The following NAV3 variants were observed in gnomAD, a reference collection of about 807,000 sequenced individuals.
The protein encoded by NAV3 is neuron navigator 3.
Under a neutral mutation model 244.7 loss-of-function variants are expected in NAV3, and 87 were observed. The observed-to-expected ratio is 0.36, with a 90% CI of 0.30 to 0.42. The LOEUF (loss-of-function observed/expected upper bound fraction) is 0.42. Among genes scored for constraint, NAV3 ranks in the 20% least tolerant of loss-of-function variants. The pLI is 1.00. For missense variants in NAV3, 2,663 were observed against 2,893.3 expected, an observed-to-expected ratio of 0.92 and a Z score of 1.83; for synonymous variants, 1,126 against 1,042.2, an observed-to-expected ratio of 1.08 and a Z score of -1.55.
At chr12:78,111,031 A>G (rs759172110) in intron 12 of NAV3, among the ~76,000 whole-genome samples, 6 of 152,024 alleles carry the variant, frequency 3.9e-5, no homozygotes, top group Non-Finnish European at 5.9e-5. Context: ...GGATGAATGG[A>G]GGGTAGGAGG....
Position 78,023,264 on chromosome 12 carries a change from C to T in NAV3, c.2023+1402C>T, listed in dbSNP as rs115311656. On this transcript the variant is annotated intron_variant, in intron 9 of 39. Transcript: ENST00000397909. ...ACTGTTTTCAGAAACTAATATATCA[C>T]GGTATATCTGATTGAATAGTCTGTA... 6.8e-3 allele frequency among the ~76,000 whole-genome samples: 1,030 copies of T among 152,190 alleles called. 11 individuals carry two copies. Among genetic ancestry groups the T allele is most frequent in the African/African-American group, 0.024 (996 of 41,526 alleles).
chr12:77,794,202 T>A (rs1214124013), intron 2 of NAV3, among the ~76,000 whole-genome samples: 1 of 152,246 alleles, frequency 6.6e-6, no homozygotes, highest in Admixed American at 6.5e-5. Context: ...TTTTTAAAGT[T>A]CCTTGTAGAT....
chr12:77,674,293 G>T (rs1874112858), intron 2 of NAV3, among the ~76,000 whole-genome samples: 1 of 152,096 alleles, frequency 6.6e-6, no homozygotes, highest in Admixed American at 6.6e-5. Context: ...TGGATTTCTT[G>T]CCCCTTAATT....
Position 78,188,230 on chromosome 12 carries a change from T to TAA in NAV3, c.5791-17_5791-16insAA. On this transcript the variant is annotated splice_polypyrimidine_tract_variant and intron_variant, in intron 31 of 39. Coordinates refer to ENST00000397909, the MANE Select transcript of NAV3 (RefSeq NM_001024383.2). Reference sequence around the variant, plus strand: ...TACACGGTTGGATTTTATCTTACTTTATTTTGTTCTTATTTAGGACCAAAA... The same window carrying TAA: ...TACACGGTTGGATTTTATCTTACTTTAAATTTTGTTCTTATTTAGGACCAAAA... The TAA allele has an allele frequency of 6.4e-7, 1 of 1,551,230 alleles. No homozygotes were observed. The highest frequency in any genetic ancestry group is 1.1e-5 in the South Asian group (1 of 87,320).
chr12:78,127,106 G>T (rs2138805886), intron 16 of NAV3, 61 bp from the exon 17 acceptor site: 1 of 1,536,976 alleles, frequency 6.5e-7, no homozygotes, highest in South Asian at 1.1e-5. Flanking sequence ...ATTTTTGTTG[G>T]ATGTGTAATT....
chr12:78,128,948 C>A, intron 18 of NAV3, 82 bp downstream of exon 18: 1 of 1,320,966 alleles, frequency 7.6e-7, no homozygotes, highest in Non-Finnish European at 1.0e-6. Context: ...CTCCATAACA[C>A]AACACGTTTT....
At chr12:77,700,337 A>G (rs1875504641) in intron 2 of NAV3, among the ~76,000 whole-genome samples, 1 of 152,184 alleles carries the variant, frequency 6.6e-6, no homozygotes, top group Non-Finnish European at 1.5e-5. Context: ...AAATGGGAGC[A>G]TGAAGGAGAG....
intron 27 of NAV3, 150 bp from the exon 28 acceptor site, chr12:78,177,470 T>A: frequency 9.0e-7 from 1 of 1,105,574 alleles, no homozygotes; most frequent in South Asian, 1.6e-5. Context: ...TCTCTTTCAC[T>A]GGTTTCTTTC....
At chr12:78,193,038 A>G (rs950124525) in intron 34 of NAV3, among the ~76,000 whole-genome samples, 1 of 152,152 alleles carries the variant, frequency 6.6e-6, no homozygotes, top group Non-Finnish European at 1.5e-5. Context: ...GAAATAATAA[A>G]TCCTGTTCCT....
intron 2 of NAV3, among the ~76,000 whole-genome samples, chr12:77,618,109 G>C (rs930296833): frequency 2.8e-4 from 43 of 152,166 alleles, no homozygotes; most frequent in African/African-American, 8.9e-4. Context: ...CTCCTATCTA[G>C]ATCAGGTGAG....
intron 2 of NAV3, among the ~76,000 whole-genome samples, chr12:77,787,380 A>T (rs1870952963): frequency 1.3e-5 from 2 of 152,296 alleles, no homozygotes; most frequent in South Asian, 4.1e-4. Context: ...ATAAAGACAT[A>T]TCCGAAACTG....
intron 20 of NAV3, among the ~76,000 whole-genome samples, chr12:78,145,279 T>G (rs1956819108): frequency 6.6e-6 from 1 of 152,180 alleles, no homozygotes; most frequent in Non-Finnish European, 1.5e-5. Context: ...TTTACATATT[T>G]TTAAAGGTAG....
rs1003667435 is a variant in NAV3, at chr12:77,815,716, CT to C, written c.73-124595del. On this transcript the variant is annotated intron_variant, in intron 2 of 8. Coordinates refer to the NAV3 transcript ENST00000550042. ...ACTGAGATGTCATAATTCATCAAATCTTTTTTTTCCCGACATCGCATCTCCA... is the reference window on the plus strand; with the variant it reads ...ACTGAGATGTCATAATTCATCAAATCTTTTTTTCCCGACATCGCATCTCCA... Among the ~76,000 whole-genome samples the C allele has an allele frequency of 3.9e-5, 6 of 151,960 alleles. 1 individual carries two copies. The South Asian group carries it at 8.3e-4, about 21-fold the overall frequency.
rs368182228 is a variant in NAV3 at position 78,146,405 on chromosome 12, T to A, written c.4707+13T>A. ...GGCTCATTCAGAGGTAAAAAAAAAA[T>A]ATGCAATATTTTAATATTTTCTATT... On this transcript the variant is annotated intron_variant, in intron 21 of 39. Coordinates refer to ENST00000397909, the MANE Select transcript of NAV3 (RefSeq NM_001024383.2). The A allele has an allele frequency of 8.7e-6, 8 of 924,174 alleles. No homozygotes were observed. The highest frequency in any genetic ancestry group is 8.3e-5 in the East Asian group (3 of 35,968). 57.2% of individuals were successfully genotyped at this position (924,174 alleles called of 1,614,324 possible).
intron 1 of NAV3, among the ~76,000 whole-genome samples, chr12:77,885,439 C>T (rs752064737): frequency 1.1e-4 from 16 of 152,048 alleles, no homozygotes; most frequent in East Asian, 3.9e-4. Context: ...TAGTACCTTA[C>T]GCAGAATAAG....
chr12:77,692,701 T>A (rs571791331), intron 2 of NAV3, among the ~76,000 whole-genome samples: 1 of 152,280 alleles, frequency 6.6e-6, no homozygotes, highest in East Asian at 1.9e-4. Flanking sequence ...TTCAGTCATT[T>A]ATTTTTTGTT....
chr12:77,646,536 G>A (rs1592536298), intron 2 of NAV3, among the ~76,000 whole-genome samples: 1 of 152,070 alleles, frequency 6.6e-6, no homozygotes, highest in African/African-American at 2.4e-5. Flanking sequence ...GTTCTATAAA[G>A]GGAGGATTGG....
At chr12:77,647,498 AT>A (rs200343457) in intron 2 of NAV3, among the ~76,000 whole-genome samples, 11 of 150,994 alleles carry the variant, frequency 7.3e-5, no homozygotes, top group South Asian at 6.3e-4. Context: ...AACTAGATGA[AT>A]TTTTTTTTAA....
At chr12:77,883,109 T>G (rs1882864238) in intron 1 of NAV3, among the ~76,000 whole-genome samples, 1 of 152,086 alleles carries the variant, frequency 6.6e-6, no homozygotes, top group African/African-American at 2.4e-5. Flanking sequence ...GGAAAATAAA[T>G]TATTCTACCA....
Sources: gnomAD v4.1 joint callset for allele counts (sites outside exome capture counted in the v4.1 genomes callset) on GRCh38, gnomAD v4.1.1 for gene constraint, MANE v1.5 for transcripts, NCBI Gene and HGNC (gene_info 2026-07-23, HGNC 2026-07-21) for gene names.